The following PEX7 variants were observed in gnomAD, a reference collection of about 807,000 sequenced individuals.
PEX7 encodes peroxisomal biogenesis factor 7.
PEX7 carries 34 observed loss-of-function variants against 47.5 expected under a neutral mutation model. That is an observed-to-expected ratio of 0.72 (90% CI 0.54 to 0.95). The LOEUF is 0.95. Among genes scored for constraint, PEX7 ranks in the 40% least tolerant of loss-of-function variants. The pLI is 0.00. For missense variants in PEX7, 394 were observed against 400.3 expected (o/e 0.98, Z 0.13); for synonymous variants, 141 against 148.8 (o/e 0.95, Z 0.38).
chr6:136,844,941 GT>G (rs1281010656), intron 3 of PEX7, among the ~76,000 whole-genome samples: 3 of 152,194 alleles, frequency 2.0e-5, no homozygotes, highest in Non-Finnish European at 4.4e-5. Flanking sequence ...ATATACTCAG[GT>G]CCTTGTCAGG....
chr6:136,860,091 C>G (rs1774931405), intron 5 of PEX7, among the ~76,000 whole-genome samples: 1 of 152,010 alleles, frequency 6.6e-6, no homozygotes, highest in East Asian at 1.9e-4. Flanking sequence ...GCTGGCAATT[C>G]AGGTGAGTCT....
chr6:136,884,293 T>C (rs1436487946), intron 8 of PEX7, among the ~76,000 whole-genome samples: 1 of 152,210 alleles, frequency 6.6e-6, no homozygotes, highest in Admixed American at 6.6e-5. Flanking sequence ...GTTAAATTTA[T>C]CCTCTGAAGA....
At chr6:136,825,318 C>G (rs1426941869) in intron 2 of PEX7, 47 bp downstream of exon 2, 1 of 1,438,310 alleles carries the variant, frequency 7.0e-7, no homozygotes, top group South Asian at 1.1e-5. Flanking sequence ...GCTATTAAAG[C>G]CTTAATAGAA....
chr6:136,871,749 C>A (rs1031000408), intron 7 of PEX7, among the ~76,000 whole-genome samples: 1 of 151,962 alleles, frequency 6.6e-6, no homozygotes, highest in African/African-American at 2.4e-5. Context: ...TTAGTACAGG[C>A]GGGGTTTCAC....
At chr6:136,846,048 A>T in intron 4 of PEX7, 25 bp from the exon 5 acceptor site, 2 of 1,389,830 alleles carry the variant, frequency 1.4e-6, no homozygotes, top group Non-Finnish European at 1.0e-6. Context: ...TCCCTCAAGT[A>T]ATTGATCTAT....
At chr6:136,842,220 C>A (rs1437381423) in intron 3 of PEX7, among the ~76,000 whole-genome samples, 1 of 152,124 alleles carries the variant, frequency 6.6e-6, no homozygotes, top group African/African-American at 2.4e-5. Flanking sequence ...GTCTTGAACT[C>A]CTGGCCTCAA....
At chr6:136,892,109 A>G (rs1030210280) in intron 8 of PEX7, among the ~76,000 whole-genome samples, 3 of 152,246 alleles carry the variant, frequency 2.0e-5, no homozygotes, top group Non-Finnish European at 4.4e-5. Context: ...CAATAAGTGC[A>G]TATAAAAAAT....
intron 3 of PEX7, among the ~76,000 whole-genome samples, chr6:136,831,734 C>T (rs1774297068): frequency 6.6e-6 from 1 of 152,262 alleles, no homozygotes; most frequent in African/African-American, 2.4e-5. Context: ...AGGCCCCATG[C>T]AAGTCTGAAA....
intron 6 of PEX7, among the ~76,000 whole-genome samples, chr6:136,869,279 TCATCCAGG>T (rs913678290): frequency 2.0e-5 from 3 of 152,012 alleles, no homozygotes; most frequent in African/African-American, 7.3e-5. Flanking sequence ...TCTCGCTGTG[TCATCCAGG>T]CTGAGGTACA....
At chr6:136,883,667 T>G (rs1383705615) in intron 8 of PEX7, among the ~76,000 whole-genome samples, 1 of 152,166 alleles carries the variant, frequency 6.6e-6, no homozygotes, top group Non-Finnish European at 1.5e-5. Flanking sequence ...CTGTGTCAGG[T>G]CTGGCCTTTC....
chr6:136,870,878 T>A (rs1435120916), intron 7 of PEX7: 2 of 230,006 alleles, frequency 8.7e-6, no homozygotes, highest in African/African-American at 2.4e-5. Context: ...TTTGTATTTT[T>A]AGTGGAGACA....
At chr6:136,902,730 T>C (rs1403128328) in intron 9 of PEX7, among the ~76,000 whole-genome samples, 3 of 152,220 alleles carry the variant, frequency 2.0e-5, no homozygotes, top group Non-Finnish European at 1.5e-5. Context: ...GGAATTTCTA[T>C]ATTAGTTTAG....
chr6:136,870,647 A>G, intron 7 of PEX7: 1 of 256,296 alleles, frequency 3.9e-6, no homozygotes, highest in Non-Finnish European at 7.7e-6. Context: ...AGGATAAAAA[A>G]GTACCTTATT....
At chr6:136,837,437 T>TA (rs1774411545) in intron 3 of PEX7, among the ~76,000 whole-genome samples, 1 of 151,378 alleles carries the variant, frequency 6.6e-6, no homozygotes, top group South Asian at 2.1e-4. Context: ...GAAGCGATCT[T>TA]AAAGTTAAAT....
At chr6:136,825,075 A>G in intron 1 of PEX7, 139 bp from the exon 2 acceptor site, 1 of 719,596 alleles carries the variant, frequency 1.4e-6, no homozygotes, top group South Asian at 1.5e-5. Flanking sequence ...TCACCTGACC[A>G]TTTGGTATTC....
intron 5 of PEX7, among the ~76,000 whole-genome samples, chr6:136,857,182 AC>A (rs1562739775): frequency 6.6e-6 from 1 of 152,240 alleles, no homozygotes; most frequent in Non-Finnish European, 1.5e-5. Context: ...TGGGCTGTGT[AC>A]CATGCGTTTG....
chr6:136,844,756 G>A (rs1176565385), intron 3 of PEX7, among the ~76,000 whole-genome samples: 1 of 151,748 alleles, frequency 6.6e-6, no homozygotes, highest in Non-Finnish European at 1.5e-5. Context: ...TATTACTGAT[G>A]TTTTTTTTCC....
chr6:136,833,384 A>C (rs1351910673), intron 3 of PEX7, among the ~76,000 whole-genome samples: 1 of 152,224 alleles, frequency 6.6e-6, no homozygotes, highest in Non-Finnish European at 1.5e-5. Flanking sequence ...TCAAGATGAG[A>C]TCCGTATCAG....
intron 5 of PEX7, chr6:136,855,682 T>A (rs917609684): frequency 2.2e-5 from 7 of 319,844 alleles, no homozygotes; most frequent in South Asian, 2.0e-4. Flanking sequence ...CATTTTTGTT[T>A]GTTTGTTTGT....
Sources: allele counts gnomAD v4.1 joint callset (sites outside exome capture counted in the v4.1 genomes callset), GRCh38; gene constraint gnomAD v4.1.1; transcripts MANE v1.5; gene names NCBI Gene and HGNC (gene_info 2026-07-23, HGNC 2026-07-21).